The following USP43 variants were observed in gnomAD, a reference collection of about 807,000 sequenced individuals.
USP43 encodes ubiquitin carboxyl-terminal hydrolase 43.
Under a neutral mutation model 90.7 loss-of-function variants are expected in USP43, and 33 were observed. The ratio of observed to expected loss-of-function variants is 0.36; its 90% confidence interval spans 0.28 to 0.49. The LOEUF is 0.49. Ranked by LOEUF, USP43 falls within the 20% of genes least tolerant of loss-of-function variation. USP43 has a pLI of 0.98. For synonymous variants in USP43, 598 were observed against 615.8 expected (o/e 0.97, Z 0.43); for missense variants, 1,274 against 1,476.4 (o/e 0.86, Z 2.25).
chr17:9,656,560 T>C, intron 2 of USP43, 26 bp downstream of exon 2: 1 of 1,576,364 alleles, frequency 6.3e-7, no homozygotes, highest in Non-Finnish European at 8.6e-7. Flanking sequence ...AACAACACAA[T>C]GTACTGGGTT....
chr17:9,696,448 T>G (rs546421915), intron 9 of USP43, among the ~76,000 whole-genome samples: 1 of 152,208 alleles, frequency 6.6e-6, no homozygotes. Context: ...CCCTGGGTGA[T>G]CCTACTCTTG....
At chr17:9,667,687 A>G (rs1201845360) in intron 3 of USP43, among the ~76,000 whole-genome samples, 3 of 152,174 alleles carry the variant, frequency 2.0e-5, no homozygotes, top group Admixed American at 6.6e-5. Context: ...GCAAGCTTAA[A>G]GGTGGGAATG....
rs755682583 is a variant in USP43 at position 9,693,144 on chromosome 17, C to T, written c.1371C>T (p.Phe457=). 6.2e-6 allele frequency: 10 copies of T among 1,613,474 alleles called. No homozygotes were observed. Among genetic ancestry groups the T allele is most frequent in the South Asian group, 1.1e-5 (1 of 90,932 alleles). The stretch of plus-strand genomic sequence containing the variant: ...CTTCGCAGAACCTGGGGTCTCTGTT[C>T]TCCATCCGTGTTGTGGGACTCTCTG... ...EAPVQNLGSL[F]SIRVVGLSVA... is the part of the protein sequence containing the mutation. The change falls in exon 9 of 15, where the codon TTC becomes TTT. Residue 457 remains phenylalanine (F), a synonymous_variant. Transcript: ENST00000285199.
At position 9,681,208 on chromosome 17, in the gene USP43, A is replaced by ATATTATATAG. The variant is rs1355253750; in HGVS notation, c.1105+845_1105+846insTATATAGTAT. ...TACTATATAATATATACTATATAAT[A>ATATTATATAG]TATACATTATATAGAATATATTATA... On this transcript the variant is annotated intron_variant, in intron 6 of 14. Transcript: ENST00000285199. Among the ~76,000 whole-genome samples the ATATTATATAG allele has an allele frequency of 8.7e-4, 53 of 60,772 alleles. 11 individuals carry two copies. The highest frequency in any genetic ancestry group is 3.2e-3 in the African/African-American group (31 of 9,734). 39.9% of individuals were successfully genotyped at this position (60,772 alleles called of 152,430 possible). A position where few individuals can be genotyped will look rare whatever the true frequency, so the allele number is the denominator to read the frequency against.
At chr17:9,676,436 C>A (rs988275403) in intron 4 of USP43, among the ~76,000 whole-genome samples, 66 of 152,168 alleles carry the variant, frequency 4.3e-4, no homozygotes, top group African/African-American at 1.6e-3. Flanking sequence ...GTGGTGCCAT[C>A]TCTGCTCACT....
intron 14 of USP43, among the ~76,000 whole-genome samples, chr17:9,715,482 T>A (rs535426866): frequency 6.6e-6 from 1 of 152,142 alleles, no homozygotes; most frequent in South Asian, 2.1e-4. Context: ...CCAGCATTAC[T>A]ATGTAAGAAC....
At chr17:9,665,785 C>A (rs995901992) in intron 2 of USP43, among the ~76,000 whole-genome samples, 2 of 152,130 alleles carry the variant, frequency 1.3e-5, no homozygotes, top group Non-Finnish European at 2.9e-5. Flanking sequence ...TTGAGACACA[C>A]ACAGGAGAAA....
rs1160141156 is a variant in USP43 at position 9,645,866 on chromosome 17, A to G, written c.234A>G (p.Glu78=). Residue 78 remains glutamate, a synonymous_variant, in exon 1 of 15, where the codon GAA becomes GAG. Transcript: ENST00000285199. The surrounding 1 kb of genome is among the most constrained non-coding windows in gnomAD (Gnocchi z 6.8). ...CGGCCCCCGGGAGCCCCGGGGAGGA[A>G]CGCCCGCCCGGACCCCAGCCCCAGC... is the stretch of plus-strand genomic sequence containing the variant. ...VPAAPGSPGE[E]RPPGPQPQLQ... 2.2e-5 allele frequency: 31 copies of G among 1,421,034 alleles called. No homozygotes were observed. The highest frequency in any genetic ancestry group is 3.0e-5 in the East Asian group (1 of 32,960). 88.0% of individuals were successfully genotyped at this position (1,421,034 alleles called of 1,614,324 possible).
chr17:9,652,999 A>G (rs1482101887), intron 1 of USP43, among the ~76,000 whole-genome samples: 1 of 152,134 alleles, frequency 6.6e-6, no homozygotes, highest in Non-Finnish European at 1.5e-5. Context: ...TTCATCAGTC[A>G]TAAATTTTAA....
rs1916238677 is a variant in USP43 at position 9,712,171 on chromosome 17, T to G, written c.2335+39T>G. 2.0e-6 allele frequency: 3 copies of G among 1,520,362 alleles called. No individual in the cohort carries two copies. The South Asian group carries it at 3.9e-5, about 20-fold the overall frequency. The allele number at this position is 1,520,362 out of a possible 1,614,324, so 94.2% of individuals were successfully genotyped here. ...ATGTGCTTGGTTGATTTTCATTTTC[T>G]GTAATGTCTGTTGTTATTGCTCAGT... On this transcript the variant is annotated intron_variant, in intron 14 of 14. Transcript: ENST00000285199.
At position 9,698,496 on chromosome 17, in the gene USP43, C is replaced by G. The variant is rs575482364; in HGVS notation, c.1458-1676C>G. On this transcript the variant is annotated intron_variant, in intron 9 of 14. Transcript: ENST00000285199. ...TCTCTTTGTATGCTCCTCCCATTAG[C>G]CTATCAGTCCCTTAAGGGTGGGGAT... is the stretch of plus-strand genomic sequence containing the variant. 4.6e-5 allele frequency among the ~76,000 whole-genome samples: 7 copies of G among 152,294 alleles called. No individual in the cohort carries two copies. In the South Asian group the frequency reaches 1.5e-3, roughly 32 times the overall value.
intron 14 of USP43, among the ~76,000 whole-genome samples, chr17:9,714,292 A>G (rs564447881): frequency 1.3e-5 from 2 of 152,290 alleles, no homozygotes; most frequent in South Asian, 2.1e-4. Context: ...CATCACATCA[A>G]TGTGATAACT....
chr17:9,702,632 G>A (rs4992450), intron 12 of USP43, among the ~76,000 whole-genome samples: 1 of 152,090 alleles, frequency 6.6e-6, no homozygotes, highest in African/African-American at 2.4e-5. Context: ...TTTTCAGAGA[G>A]TGTCATGAGG....
intron 7 of USP43, among the ~76,000 whole-genome samples, chr17:9,683,923 G>A (rs1325824716): frequency 1.3e-5 from 2 of 152,144 alleles, no homozygotes; most frequent in East Asian, 3.9e-4. Context: ...GGATCATGAG[G>A]TCAGGAGTTC....
intron 14 of USP43, among the ~76,000 whole-genome samples, chr17:9,718,940 C>A (rs1916769856): frequency 6.6e-6 from 1 of 151,844 alleles, no homozygotes; most frequent in African/African-American, 2.4e-5. Flanking sequence ...ATTTCTTTTC[C>A]CCTTATATTT....
chr17:9,714,749 A>G (rs1396850232), intron 14 of USP43, among the ~76,000 whole-genome samples: 1 of 151,844 alleles, frequency 6.6e-6, no homozygotes, highest in Non-Finnish European at 1.5e-5. Context: ...CTAAGGGTTG[A>G]GCAAAGGTGG....
Position 9,728,699 on chromosome 17 carries a change from T to G in USP43, c.3081T>G (p.Ser1027Arg), listed in dbSNP as rs1917414187. The change falls in exon 15 of 15, where the codon AGT becomes AGG. Residue 1027 changes from serine (S) to arginine (R), a missense_variant. By Grantham distance (110) the Ser-to-Arg change is moderately radical (BLOSUM62 -1). Transcript: ENST00000285199. This position sits in a 1 kb window ranked among gnomAD's most constrained non-coding sequence, Gnocchi z 6.2. ...AGGTGCCCCCCGTCTCCCTGGTGAGTGGCGGGCTGAGCCCTGCCATGGACG... is the reference window on the plus strand; with the variant it reads ...AGGTGCCCCCCGTCTCCCTGGTGAGGGGCGGGCTGAGCCCTGCCATGGACG... The part of the protein sequence containing the change: ...SPQVPPVSLV[S>R]GGLSPAMDGQ... The G allele has an allele frequency of 6.2e-7, 1 of 1,606,644 alleles. No homozygotes were observed. The highest frequency in any genetic ancestry group is 8.5e-7 in the Non-Finnish European group (1 of 1,176,898).
At chr17:9,708,590 G>C (rs1916015372) in intron 12 of USP43, among the ~76,000 whole-genome samples, 1 of 152,192 alleles carries the variant, frequency 6.6e-6, no homozygotes, top group African/African-American at 2.4e-5. Flanking sequence ...AGCAAACTGT[G>C]GCCCACGGGC....
intron 10 of USP43, among the ~76,000 whole-genome samples, 184 bp from the exon 11 acceptor site, chr17:9,700,935 G>A (rs998528390): frequency 1.7e-4 from 26 of 152,146 alleles, no homozygotes; most frequent in Non-Finnish European, 3.8e-4. Flanking sequence ...GGGGGAGAGA[G>A]AATTCCAGTA....
Sources: allele counts gnomAD v4.1 joint callset (sites outside exome capture counted in the v4.1 genomes callset), GRCh38; gene constraint gnomAD v4.1.1; non-coding constraint Gnocchi (gnomAD v3.1); transcripts MANE v1.5; gene names NCBI Gene and HGNC (gene_info 2026-07-23, HGNC 2026-07-21).